The following MYH9 variants were observed in gnomAD, a reference collection of about 807,000 sequenced individuals.
MYH9 encodes myosin-9.
Under a neutral mutation model 241.9 loss-of-function variants are expected in MYH9, and 29 were observed. That is an observed-to-expected ratio of 0.12 (90% confidence interval 0.09 to 0.16). The LOEUF is 0.16. Ranked by LOEUF, MYH9 falls within the 10% of genes least tolerant of loss-of-function variation. The pLI, the probability that MYH9 is intolerant of heterozygous loss-of-function variation, is 1.00. For missense variants in MYH9, 1,803 were observed against 2,595.5 expected (o/e 0.69, Z 6.63); for synonymous variants, 1,047 against 1,062.6 (o/e 0.99, Z 0.29).
intron 1 of MYH9, among the ~76,000 whole-genome samples, chr22:36,363,358 T>C (rs551513058): frequency 3.9e-5 from 6 of 152,298 alleles, no homozygotes; most frequent in African/African-American, 1.2e-4. Flanking sequence ...TCAATGCTTG[T>C]TGAAAATAAC....
At position 36,295,022 on chromosome 22, in the gene MYH9, G is replaced by A; in HGVS notation, c.3540C>T (p.Ala1180=). 6.2e-7 allele frequency: 1 copy of A among 1,614,170 alleles called. No individual in the cohort carries two copies. Among genetic ancestry groups the A allele is most frequent in the African/African-American group, 1.3e-5 (1 of 75,036 alleles). The change falls in exon 27 of 41, where the codon GCC becomes GCT. Residue 1180 remains alanine (A), a synonymous_variant. Coordinates refer to ENST00000216181, the MANE Select transcript of MYH9 (RefSeq NM_002473.6). This position sits in a 1 kb window ranked among gnomAD's most constrained non-coding sequence, Gnocchi z 4.1. ...NILKKTLEEE[A]KTHEAQIQEM... is the part of the protein sequence containing the mutation. ...CCTGGATCTGGGCCTCGTGGGTCTT[G>A]GCCTCCTCCTCCAGGGTCTTCTTCA...
chr22:36,357,183 A>G (rs773074739), intron 1 of MYH9, among the ~76,000 whole-genome samples: 24 of 152,198 alleles, frequency 1.6e-4, no homozygotes, highest in African/African-American at 5.8e-4. Context: ...CCGTGGGAAC[A>G]AAGAGAAAGG....
At chr22:36,349,388 C>T (rs1283947159) in intron 1 of MYH9, 133 bp from the exon 2 acceptor site, 3 of 728,900 alleles carry the variant, frequency 4.1e-6, no homozygotes, top group Non-Finnish European at 4.6e-6. Flanking sequence ...AACCAGGCTG[C>T]ACAACTTTCT....
intron 2 of MYH9, among the ~76,000 whole-genome samples, chr22:36,345,625 C>A (rs1457218865): frequency 6.6e-6 from 1 of 152,198 alleles, no homozygotes; most frequent in Non-Finnish European, 1.5e-5. Flanking sequence ...GTCTGCCATT[C>A]ATTTATTTGC....
At chr22:36,361,963 G>A (rs566636297) in intron 1 of MYH9, among the ~76,000 whole-genome samples, 8 of 152,214 alleles carry the variant, frequency 5.3e-5, no homozygotes, top group African/African-American at 1.4e-4. Context: ...CCAGCTACCC[G>A]GGAGGCTGAG....
intron 1 of MYH9, among the ~76,000 whole-genome samples, chr22:36,351,490 C>G (rs1409672952): frequency 2.0e-5 from 3 of 152,166 alleles, no homozygotes; most frequent in African/African-American, 7.2e-5. Flanking sequence ...CAGGGCACCA[C>G]CAGCTTATTT....
At chr22:36,342,939 AC>A (rs1042037307) in intron 2 of MYH9, among the ~76,000 whole-genome samples, 2 of 152,138 alleles carry the variant, frequency 1.3e-5, no homozygotes, top group African/African-American at 4.8e-5. Flanking sequence ...GCTCCTTCCA[AC>A]CTTTTGTTTT....
At chr22:36,386,559 T>TC in intron 1 of MYH9, among the ~76,000 whole-genome samples, 1 of 152,152 alleles carries the variant, frequency 6.6e-6, no homozygotes, top group Non-Finnish European at 1.5e-5. Context: ...CACTTTGAAA[T>TC]CCTGTTAAAC....
In MYH9 at chr22:36,295,668, C is replaced by G. The variant is rs1036053672; in HGVS notation, c.3322G>C (p.Glu1108Gln). The change falls in exon 26 of 41, where the codon GAG (glutamate) becomes CAG (glutamine). Residue 1108 changes from glutamate to glutamine, a missense_variant. This residue lies in a region of MYH9 where 290 missense variants were observed against 360.5 expected (regional missense o/e 0.80). Transcript: ENST00000216181. The surrounding 1 kb of genome is among the most constrained non-coding windows in gnomAD (Gnocchi z 4.1). ...QKNMALKKIR[E>Q]LESQISELQE... ...AGTTCAGAGATCTGAGATTCCAGCT[C>G]CCGGATCTTCTTGAGGGCCATGTTC... 2 of 1,613,764 alleles carry G rather than the reference C, an allele frequency of 1.2e-6. No individual in the cohort carries two copies. The highest frequency in any genetic ancestry group is 2.7e-5 in the African/African-American group (2 of 74,922).
chr22:36,311,752 G>A, intron 14 of MYH9, among the ~76,000 whole-genome samples: 1 of 152,216 alleles, frequency 6.6e-6, no homozygotes, highest in East Asian at 1.9e-4. Flanking sequence ...CATGCCTTTA[G>A]CCAAAGCTCT....
chr22:36,351,327 G>C (rs934391745), intron 1 of MYH9, among the ~76,000 whole-genome samples: 3 of 152,162 alleles, frequency 2.0e-5, no homozygotes, highest in Non-Finnish European at 4.4e-5. Flanking sequence ...GGGGGCCAGG[G>C]GGCACATCCA....
intron 13 of MYH9, 120 bp from the exon 14 acceptor site, chr22:36,312,342 TC>T: frequency 2.0e-6 from 2 of 989,794 alleles, no homozygotes; most frequent in South Asian, 1.5e-5. Flanking sequence ...GGCGACACAC[TC>T]CCCAGGAGAA....
In MYH9 at chr22:36,300,706, C is replaced by T. The variant is rs1219918228; in HGVS notation, c.2838+145G>A. On this transcript the variant is annotated intron_variant, in intron 22 of 40. Coordinates refer to ENST00000216181, the MANE Select transcript of MYH9 (RefSeq NM_002473.6). This position sits in a 1 kb window ranked among gnomAD's most constrained non-coding sequence, Gnocchi z 5.0. The stretch of plus-strand genomic sequence containing the variant: ...ACAAACTACCAGCCCAAAGGGAACA[C>T]CTCTCACTGAGAGCCCCAAGCAGAT... 3 of 888,172 alleles carry T rather than the reference C, an allele frequency of 3.4e-6. No individual in the cohort carries two copies. The highest frequency in any genetic ancestry group is 5.4e-6 in the Non-Finnish European group (3 of 558,778). The allele number at this position is 888,172 out of a possible 1,614,324, so 55.0% of individuals were successfully genotyped here.
Position 36,301,558 on chromosome 22 carries a change from C to G in MYH9, c.2607G>C (p.Thr869=). ...EKQLAAENRL[T]EMETLQSQLM... is the part of the protein sequence containing the mutation. Reference sequence around the variant, plus strand: ...CCTGAGACTGCAGCGTCTCCATCTCCGTGAGCCTGTTCTCCGCAGCCAGCT... The same window carrying G: ...CCTGAGACTGCAGCGTCTCCATCTCGGTGAGCCTGTTCTCCGCAGCCAGCT... The change falls in exon 21 of 41, where the codon ACG becomes ACC. Residue 869 remains threonine, a synonymous_variant. Coordinates refer to ENST00000216181, the MANE Select transcript of MYH9 (RefSeq NM_002473.6). 1.2e-6 allele frequency: 2 copies of G among 1,613,854 alleles called. No homozygotes were observed. The highest frequency in any genetic ancestry group is 1.7e-6 in the Non-Finnish European group (2 of 1,180,042).
Position 36,300,978 on chromosome 22 carries a change from G to A in MYH9, c.2711C>T (p.Ala904Val). The part of the protein sequence containing the change: ...ELCAEAEELR[A>V]RLTAKKQELE... ...TTCCTGCTTCTTGGCGGTCAGGCGG[G>A]CCCGGAGCTCCTCAGCCTCGGCACA... Residue 904 changes from alanine to valine, a missense_variant, in exon 22 of 41, where the codon GCC becomes GTC. Physicochemically the swap from Ala to Val is moderately conservative, Grantham distance 64. This residue lies in a region of MYH9 where 290 missense variants were observed against 360.5 expected (regional missense o/e 0.80). Coordinates refer to ENST00000216181, the MANE Select transcript of MYH9 (RefSeq NM_002473.6). This position sits in a 1 kb window ranked among gnomAD's most constrained non-coding sequence, Gnocchi z 5.0. The A allele has an allele frequency of 6.2e-7, 1 of 1,611,740 alleles. No homozygotes were observed. Among genetic ancestry groups the A allele is most frequent in the East Asian group, 2.2e-5 (1 of 44,876 alleles).
chr22:36,290,005 C>T (rs944429395), intron 31 of MYH9, among the ~76,000 whole-genome samples: 2 of 152,152 alleles, frequency 1.3e-5, no homozygotes, highest in African/African-American at 4.8e-5. Context: ...GGGCCGGATC[C>T]GGCTACCACA....
Position 36,305,923 on chromosome 22 carries a change from G to C in MYH9, c.2159+7C>G, listed in dbSNP as rs769703224. The C allele has an allele frequency of 6.2e-7, 1 of 1,612,944 alleles. No homozygotes were observed. The highest frequency in any genetic ancestry group is 8.5e-7 in the Non-Finnish European group (1 of 1,179,918). ...CCAGGAGAAGCGGGCTCCGGGCCCT[G>C]GCTCACCTCTGCCGAAACTCCTGGA... On this transcript the variant is annotated splice_region_variant and intron_variant, in intron 17 of 40. Transcript: ENST00000216181. This position sits in a 1 kb window ranked among gnomAD's most constrained non-coding sequence, Gnocchi z 4.7.
In MYH9 at chr22:36,318,246, C is replaced by T. The variant is rs147972823; in HGVS notation, c.1188G>A (p.Val396=). The T allele has an allele frequency of 2.5e-6, 4 of 1,613,712 alleles. No homozygotes were observed. Among genetic ancestry groups the T allele is most frequent in the African/African-American group, 1.3e-5 (1 of 74,592 alleles). The change falls in exon 11 of 41, where the codon GTG becomes GTA. Residue 396 remains valine (V), a synonymous_variant. Coordinates refer to ENST00000216181, the MANE Select transcript of MYH9 (RefSeq NM_002473.6). ...TRGILTPRIK[V]GRDYVQKAQT... ...GCGCCTTCTGGACGTAATCCCGTCC[C>T]ACCTTGATGCGCGGGGTGAGGATTC...
Position 36,295,041 on chromosome 22 carries a change from T to C in MYH9, c.3521A>G (p.Lys1174Arg). 6.2e-7 allele frequency: 1 copy of C among 1,614,194 alleles called. No individual in the cohort carries two copies. Among genetic ancestry groups the C allele is most frequent in the African/African-American group, 1.3e-5 (1 of 75,054 alleles). The stretch of plus-strand genomic sequence containing the variant: ...GGTCTTGGCCTCCTCCTCCAGGGTC[T>C]TCTTCAGGATGTTCACCTCCTGCTC... ...KREQEVNILK[K>R]TLEEEAKTHE... is the part of the protein sequence containing the mutation. Residue 1174 changes from lysine (K) to arginine (R), a missense_variant, in exon 27 of 41, where the codon AAG (lysine) becomes AGG (arginine). Physicochemically the swap from Lys to Arg is conservative, Grantham distance 26. This residue lies in a region of MYH9 where 876 missense variants were observed against 1,077.8 expected (regional missense o/e 0.81). Transcript: ENST00000216181. This position sits in a 1 kb window ranked among gnomAD's most constrained non-coding sequence, Gnocchi z 4.1.
Sources: gnomAD v4.1 joint callset for allele counts (sites outside exome capture counted in the v4.1 genomes callset) on GRCh38, gnomAD v4.1.1 for gene constraint, gnomAD v4.1.1 regional missense constraint, Gnocchi (gnomAD v3.1) non-coding constraint, MANE v1.5 for transcripts, NCBI Gene and HGNC (gene_info 2026-07-23, HGNC 2026-07-21) for gene names.